Variants in CDYL observed in about 807,000 individuals in gnomAD.
CDYL encodes the protein chromodomain Y-like protein.
Under a neutral mutation model 47.3 loss-of-function variants are expected in CDYL, and 8 were observed. The ratio of observed to expected loss-of-function variants is 0.17; its 90% CI spans 0.10 to 0.31. The LOEUF (loss-of-function observed/expected upper bound fraction) is 0.31, where lower values mean the gene tolerates loss of function less well. Ranked by LOEUF, CDYL falls within the 10% of genes least tolerant of loss-of-function variation. CDYL has a pLI of 1.00. For missense variants in CDYL, 471 were observed against 701.4 expected, an observed-to-expected ratio of 0.67 and a Z score of 3.71; for synonymous variants, 266 against 265.0, an observed-to-expected ratio of 1.00 and a Z score of -0.04.
intron 3 of CDYL, among the ~76,000 whole-genome samples, chr6:4,936,879 A>G (rs1758209844): frequency 6.6e-6 from 1 of 152,224 alleles, no homozygotes; most frequent in South Asian, 2.1e-4. Context: ...ATACTAAGAT[A>G]ACGTAGATTC....
At chr6:4,830,020 A>G (rs1561658090) in intron 1 of CDYL, among the ~76,000 whole-genome samples, 1 of 152,264 alleles carries the variant, frequency 6.6e-6, no homozygotes, top group Non-Finnish European at 1.5e-5. Flanking sequence ...TGTTGGTTGT[A>G]AGAATAATTG....
intron 2 of CDYL, among the ~76,000 whole-genome samples, chr6:4,905,268 A>T (rs2326553): frequency 6.6e-6 from 1 of 151,946 alleles, no homozygotes; most frequent in African/African-American, 2.4e-5. Context: ...CCCACTCAGG[A>T]ATTCTCGTTG....
chr6:4,715,948 A>G (rs1757249852), intron 2 of CDYL: 11 of 1,561,336 alleles, frequency 7.0e-6, no homozygotes, highest in Non-Finnish European at 9.5e-6. Context: ...GGCCCCTTTT[A>G]TTTAAAAATG....
chr6:4,939,367 C>T (rs536787103), intron 4 of CDYL, among the ~76,000 whole-genome samples: 1 of 152,194 alleles, frequency 6.6e-6, no homozygotes, highest in African/African-American at 2.4e-5. Flanking sequence ...CTCTGATGGG[C>T]ACCAAACAGC....
intron 1 of CDYL, among the ~76,000 whole-genome samples, chr6:4,786,737 C>T (rs1429988872): frequency 6.6e-6 from 1 of 152,074 alleles, no homozygotes; most frequent in Non-Finnish European, 1.5e-5. Context: ...GGAATGAGGA[C>T]CAATCTGCTT....
At chr6:4,774,467 TGGA>T (rs1174523059), upstream of CDYL, 1 of 152,160 alleles carries the variant, frequency 6.6e-6, no homozygotes, top group Non-Finnish European at 1.5e-5. Context: ...AGGCGCTGTT[TGGA>T]GGAGGGAGAG....
intron 2 of CDYL, among the ~76,000 whole-genome samples, chr6:4,934,880 G>A (rs1439764144): frequency 6.6e-6 from 1 of 152,188 alleles, no homozygotes; most frequent in Non-Finnish European, 1.5e-5. Flanking sequence ...GTGGGGGAGA[G>A]GAGAGCTATC....
At chr6:4,868,649 T>C (rs1421399590) in intron 1 of CDYL, among the ~76,000 whole-genome samples, 1 of 152,154 alleles carries the variant, frequency 6.6e-6, no homozygotes, top group Non-Finnish European at 1.5e-5. Flanking sequence ...TCAGAATGAG[T>C]TGGTTGACAG....
rs953709009 is a variant in CDYL at position 4,900,963 on chromosome 6, T to C, written c.691+8584T>C. Among the ~76,000 whole-genome samples, 44 of 149,806 alleles carry C rather than the reference T, an allele frequency of 2.9e-4. 1 individual carries two copies. The highest frequency in any genetic ancestry group is 4.5e-5 in the Non-Finnish European group (3 of 67,408). On this transcript the variant is annotated intron_variant, in intron 2 of 6. Transcript: ENST00000397588. ...GTGGCGTGCATGCTTGTAAAGAGAGTGCCTAAAAAGAGGTCCATGATTCAG... is the reference window on the plus strand; with the variant it reads ...GTGGCGTGCATGCTTGTAAAGAGAGCGCCTAAAAAGAGGTCCATGATTCAG...
chr6:4,892,528 G>A (rs1008699370), intron 2 of CDYL, 149 bp downstream of exon 2: 16 of 800,308 alleles, frequency 2.0e-5, no homozygotes, highest in Non-Finnish European at 2.8e-5. Context: ...TCCTTTCTTC[G>A]CTGGAAGCCT....
rs566165595 is a variant in CDYL at position 4,853,333 on chromosome 6, A to G, written c.25-38380A>G. ...TTTTCCCGGTAAAATAGAGGACATC[A>G]AAGTTCAGAGAGCTGAAGAAGGTAA... On this transcript the variant is annotated intron_variant, in intron 1 of 6. Transcript: ENST00000397588. Among the ~76,000 whole-genome samples, 13 of 152,314 alleles carry G rather than the reference A, an allele frequency of 8.5e-5. No individual in the cohort carries two copies. In the South Asian group the frequency reaches 1.9e-3, roughly 22 times the overall value.
chr6:4,848,145 C>T (rs1760715846), intron 1 of CDYL, among the ~76,000 whole-genome samples: 1 of 152,094 alleles, frequency 6.6e-6, no homozygotes, highest in Non-Finnish European at 1.5e-5. Context: ...TAGGTAGGCT[C>T]TTCAAGAAAA....
rs138400456 is a variant in CDYL, at chr6:4,709,822, G to C, written c.-39+3571G>C. ...TTTTCCTTAGCTTGATTCGGTGTGA[G>C]GCATATGGTAAGTGCTCAACCAATA... On this transcript the variant is annotated intron_variant, in intron 1 of 8. Transcript: ENST00000328908. Among the ~76,000 whole-genome samples the C allele has an allele frequency of 2.6e-4, 40 of 152,280 alleles. No homozygotes were observed. The East Asian group carries it at 4.1e-3, about 15-fold the overall frequency.
At position 4,834,434 on chromosome 6, in the gene CDYL, G is replaced by A. The variant is rs1158111470; in HGVS notation, c.25-57279G>A. Among the ~76,000 whole-genome samples the A allele has an allele frequency of 5.0e-4, 74 of 147,872 alleles. 1 individual carries two copies. The highest frequency in any genetic ancestry group is 7.5e-4 in the Non-Finnish European group (50 of 67,002). On this transcript the variant is annotated intron_variant, in intron 1 of 6. Transcript: ENST00000397588. ...TCTTCTGGCTTGTAGAGTTTCTGCC[G>A]AGAGATCCGCTGTTAGTCTGATGGG...
chr6:4,893,277 T>C (rs1463274796), intron 2 of CDYL, among the ~76,000 whole-genome samples: 1 of 152,238 alleles, frequency 6.6e-6, no homozygotes, highest in African/African-American at 2.4e-5. Flanking sequence ...GGCGCTCCGC[T>C]GCCCTCTGGC....
Position 4,852,383 on chromosome 6 carries a change from T to TTCCA in CDYL, c.25-39330_25-39329insTCCA, listed in dbSNP as rs771959396. Among the ~76,000 whole-genome samples the TTCCA allele has an allele frequency of 5.4e-4, 72 of 132,844 alleles. 1 individual carries two copies. Among genetic ancestry groups the TTCCA allele is most frequent in the African/African-American group, 2.5e-3 (71 of 28,722 alleles). 87.2% of individuals were successfully genotyped at this position (132,844 alleles called of 152,430 possible). ...CCTTCCTTCCTTCCTCCTTCCTTCC[T>TTCCA]ATCTTCCTTCCTTCCTCCTTCCTTC... On this transcript the variant is annotated intron_variant, in intron 1 of 6. Transcript: ENST00000397588.
intron 1 of CDYL, among the ~76,000 whole-genome samples, chr6:4,852,607 T>TTCC (rs1561670510): frequency 2.1e-5 from 3 of 144,810 alleles, no homozygotes; most frequent in African/African-American, 8.4e-5. Flanking sequence ...TCCTTCCTCC[T>TTCC]TCCTTCCTTC....
chr6:4,807,793 A>T (rs1759414794), intron 1 of CDYL, among the ~76,000 whole-genome samples: 1 of 151,246 alleles, frequency 6.6e-6, no homozygotes, highest in Admixed American at 6.6e-5. Context: ...TTCTGTAGAG[A>T]TAGGGTCTTG....
At chr6:4,880,574 A>G (rs776109236) in intron 1 of CDYL, among the ~76,000 whole-genome samples, 1 of 152,206 alleles carries the variant, frequency 6.6e-6, no homozygotes, top group Admixed American at 6.5e-5. Flanking sequence ...GCTGAATCAT[A>G]TGGTAAGAGT....
Sources: allele counts gnomAD v4.1 joint callset (sites outside exome capture counted in the v4.1 genomes callset), GRCh38; gene constraint gnomAD v4.1.1; transcripts MANE v1.5; gene names NCBI Gene and HGNC (gene_info 2026-07-23, HGNC 2026-07-21).